The following SPEG variants were observed in gnomAD, a reference collection of about 807,000 sequenced individuals.
SPEG encodes striated muscle enriched protein kinase.
In SPEG, 114 loss-of-function variants were observed where a neutral mutation model predicts 300.4. The observed-to-expected ratio is 0.38, with a 90% CI of 0.33 to 0.44. SPEG has a LOEUF of 0.44. SPEG is among the 20% of genes least tolerant of loss of function. The probability of loss-of-function intolerance (pLI) is 1.00; values close to 1 mark genes in which losing one functional copy is unlikely to be tolerated. For synonymous variants in SPEG, 1,964 were observed against 2,018.9 expected (o/e 0.97, Z 0.73); for missense variants, 4,201 against 4,586.2 (o/e 0.92, Z 2.43).
chr2:219,445,049 C>T lies in SPEG; in HGVS notation c.703C>T (p.Arg235Ter). 6.2e-7 allele frequency: 1 copy of T among 1,607,138 alleles called. No homozygotes were observed. Among genetic ancestry groups the T allele is most frequent in the Non-Finnish European group, 8.5e-7 (1 of 1,176,870 alleles). The change falls in exon 3 of 41, where the codon CGA becomes TGA. Residue 235 changes from arginine (R) to a stop codon, truncating the protein, a stop_gained. Transcript: ENST00000312358. LOFTEE classifies it high-confidence loss of function. The surrounding 1 kb of genome is among the most constrained non-coding windows in gnomAD (Gnocchi z 6.1). ...GGTGGAGCCGCTGGTGCGGGCATCT[C>T]GAGCTAATCTGGTGGGCGCAAGCTG... ...LGVEPLVRASRANLVGASWGS... is the reference protein window; with the variant it reads ...LGVEPLVRAS
At chr2:219,456,368 C>T (rs1398508234) in intron 6 of SPEG, among the ~76,000 whole-genome samples, 1 of 152,246 alleles carries the variant, frequency 6.6e-6, no homozygotes, top group East Asian at 1.9e-4. Flanking sequence ...TGGCCCCCAT[C>T]GTCAGTCCTC....
intron 4 of SPEG, among the ~76,000 whole-genome samples, chr2:219,449,966 C>A (rs1454600820): frequency 1.3e-5 from 2 of 152,180 alleles, no homozygotes. Context: ...TCCTGCACAT[C>A]AACTCGAGGC....
rs1290294237 is a variant in SPEG, at chr2:219,466,068, CAG to C, written c.2882-1105_2882-1104del. On this transcript the variant is annotated intron_variant, in intron 9 of 40. Transcript: ENST00000312358. The stretch of plus-strand genomic sequence containing the variant: ...TTGTCTGTACACAGGCGAGTGAGCT[CAG>C]GGGGCCACCTGTGCTCCCCCCGCTA... 1.9e-6 allele frequency: 3 copies of C among 1,603,926 alleles called. No homozygotes were observed. The Admixed American group carries it at 5.0e-5, about 27-fold the overall frequency.
Position 219,439,594 on chromosome 2 carries a change from G to A in SPEG, c.388+4229G>A, listed in dbSNP as rs1954805280. 6.6e-6 allele frequency among the ~76,000 whole-genome samples: 1 copy of A among 152,064 alleles called. No homozygotes were observed. The highest frequency in any genetic ancestry group is 1.5e-5 in the Non-Finnish European group (1 of 68,022). On this transcript the variant is annotated intron_variant, in intron 1 of 40. Coordinates refer to ENST00000312358, the MANE Select transcript of SPEG (RefSeq NM_005876.5). The surrounding 1 kb of genome is among the most constrained non-coding windows in gnomAD (Gnocchi z 4.5). Reference sequence around the variant, plus strand: ...GTGCAGAAATTGGAAGTCTGGGTTTGGGGGAGTGGCAGGGAGACACAGCTG... The same window carrying A: ...GTGCAGAAATTGGAAGTCTGGGTTTAGGGGAGTGGCAGGGAGACACAGCTG...
chr2:219,461,893 T>A lies in SPEG; in HGVS notation c.2452T>A (p.Ser818Thr). Residue 818 changes from serine to threonine, a missense_variant, in exon 7 of 41, where the codon TCC (serine) becomes ACC (threonine). Around this residue, in one of 4 missense-constraint regions of SPEG, gnomAD observed 1,258 missense variants for 1,293.9 expected, o/e 0.97. Transcript: ENST00000312358. ...CTGTCTCTCTCCAGGTGGGTCTACA[T>A]CCCCTTTCAGCAGCCCCATCACCTC... Reference protein sequence around the residue: ...SLTVRPGGSTSPFSSPITSDE... With the variant: ...SLTVRPGGSTTPFSSPITSDE... 1 of 1,613,702 alleles carries A rather than the reference T, an allele frequency of 6.2e-7. No homozygotes were observed. The highest frequency in any genetic ancestry group is 8.5e-7 in the Non-Finnish European group (1 of 1,179,834).
Position 219,483,212 on chromosome 2 carries a change from G to T in SPEG, c.5749G>T (p.Gly1917Trp). The change falls in exon 30 of 41, where the codon GGG (glycine) becomes TGG (tryptophan). Residue 1917 changes from glycine to tryptophan, a missense_variant. By Grantham distance (184) the Gly-to-Trp change is radical. This residue lies in a region of SPEG where 1,578 missense variants were observed against 1,506.0 expected (regional missense o/e 1.05). Coordinates refer to ENST00000312358, the MANE Select transcript of SPEG (RefSeq NM_005876.5). ...GCCCAGAAGGCCACCCCCCAGTGGG[G>T]GGCTCTCATCCTCCTCGGATTCTGA... ...TMPRRPPPSG[G>W]LSSSSDSEEE... The T allele has an allele frequency of 6.2e-7, 1 of 1,610,064 alleles. No homozygotes were observed. The highest frequency in any genetic ancestry group is 8.5e-7 in the Non-Finnish European group (1 of 1,178,976).
At chr2:219,435,398 G>T (rs772833735) in intron 1 of SPEG, 33 bp downstream of exon 1, 2 of 1,513,682 alleles carry the variant, frequency 1.3e-6, no homozygotes, top group East Asian at 5.1e-5. Context: ...GCCCGGCAGG[G>T]GCGGGGTGCT....
At position 219,485,016 on chromosome 2, in the gene SPEG, C is replaced by A. The variant is rs1042657104; in HGVS notation, c.7553C>A (p.Thr2518Asn). Reference sequence around the variant, plus strand: ...CAGTTGGCCGCCCAGGCCGGCGCCACCACGCCTTCCGCCGAGTCCCTGGGC... The same window carrying A: ...CAGTTGGCCGCCCAGGCCGGCGCCAACACGCCTTCCGCCGAGTCCCTGGGC... ...HNQLAAQAGA[T>N]TPSAESLGSE... is the part of the protein sequence containing the mutation. The change falls in exon 30 of 41, where the codon ACC (threonine) becomes AAC (asparagine). Residue 2518 changes from threonine to asparagine, a missense_variant. By Grantham distance (65) the Thr-to-Asn change is moderately conservative. This residue lies in a region of SPEG where 1,578 missense variants were observed against 1,506.0 expected (regional missense o/e 1.05). Coordinates refer to ENST00000312358, the MANE Select transcript of SPEG (RefSeq NM_005876.5). 18 of 1,531,818 alleles carry A rather than the reference C, an allele frequency of 1.2e-5. No individual in the cohort carries two copies. Among genetic ancestry groups the A allele is most frequent in the African/African-American group, 4.1e-5 (3 of 72,772 alleles). 94.9% of individuals were successfully genotyped at this position (1,531,818 alleles called of 1,614,324 possible).
rs754540251 is a variant in SPEG, at chr2:219,451,115, C to T, written c.2114-21C>T. On this transcript the variant is annotated intron_variant, in intron 4 of 40. Coordinates refer to ENST00000312358, the MANE Select transcript of SPEG (RefSeq NM_005876.5). This position sits in a 1 kb window ranked among gnomAD's most constrained non-coding sequence, Gnocchi z 6.4. ...CTGCAGGGATCATGGCCCCTTACCC[C>T]GTTATTCCTGTGTCCGGCAGAGTCT... The T allele has an allele frequency of 5.7e-5, 91 of 1,597,146 alleles. No homozygotes were observed. Among genetic ancestry groups the T allele is most frequent in the Non-Finnish European group, 7.0e-5 (82 of 1,172,286 alleles).
In SPEG at chr2:219,448,151, C is replaced by G. The variant is rs781358951; in HGVS notation, c.993C>G (p.Thr331=). 1.9e-6 allele frequency: 3 copies of G among 1,609,486 alleles called. No individual in the cohort carries two copies. The South Asian group carries it at 3.3e-5, about 18-fold the overall frequency. The change falls in exon 4 of 41, where the codon ACC becomes ACG. Residue 331 remains threonine (T), a synonymous_variant. Coordinates refer to ENST00000312358, the MANE Select transcript of SPEG (RefSeq NM_005876.5). Reference sequence around the variant, plus strand: ...GACCCCCGGCCCAGCCCGCGGCCACCCCCACGTCGCCCCACCGTCGCACTC... The same window carrying G: ...GACCCCCGGCCCAGCCCGCGGCCACGCCCACGTCGCCCCACCGTCGCACTC... ...PPGPPAQPAA[T]PTSPHRRTQE...
In SPEG at chr2:219,484,772, G is replaced by C; in HGVS notation, c.7309G>C (p.Glu2437Gln). 1 of 1,465,474 alleles carries C rather than the reference G, an allele frequency of 6.8e-7. No individual in the cohort carries two copies. The highest frequency in any genetic ancestry group is 1.4e-5 in the South Asian group (1 of 73,544). The allele number at this position is 1,465,474 out of a possible 1,614,324, so 90.8% of individuals were successfully genotyped here. The change falls in exon 30 of 41, where the codon GAG (glutamate) becomes CAG (glutamine). Residue 2437 changes from glutamate (E) to glutamine (Q), a missense_variant. Glu to Gln is a conservative substitution (Grantham distance 29). Transcript: ENST00000312358. Reference protein sequence around the residue: ...PAWEARGGDGESSEGGSSARG... With the variant: ...PAWEARGGDGQSSEGGSSARG... ...CTGGGAGGCCCGCGGCGGGGACGGAGAGAGCTCGGAGGGCGGGAGCTCGGC... is the reference window on the plus strand; with the variant it reads ...CTGGGAGGCCCGCGGCGGGGACGGACAGAGCTCGGAGGGCGGGAGCTCGGC...
chr2:219,493,044 G>A lies in SPEG; in HGVS notation c.*258G>A. On this transcript the variant is annotated 3_prime_UTR_variant, in exon 41 of 41. Transcript: ENST00000312358. ...GGTGGGAACAGGCAGAGGGACAAGA[G>A]GGGAATGGAGAAGTGGAGAGGAAAA... 1 of 691,472 alleles carries A rather than the reference G, an allele frequency of 1.4e-6. No homozygotes were observed. The highest frequency in any genetic ancestry group is 2.6e-6 in the Non-Finnish European group (1 of 378,158). 42.8% of individuals were successfully genotyped at this position (691,472 alleles called of 1,614,324 possible).
chr2:219,464,786 C>A lies in SPEG; in HGVS notation c.2881+178C>A. 1.7e-6 allele frequency: 1 copy of A among 603,582 alleles called. No individual in the cohort carries two copies. Among genetic ancestry groups the A allele is most frequent in the Non-Finnish European group, 2.9e-6 (1 of 340,830 alleles). 37.4% of individuals were successfully genotyped at this position (603,582 alleles called of 1,614,324 possible). A position where few individuals can be genotyped will look rare whatever the true frequency, so the allele number is the denominator to read the frequency against. On this transcript the variant is annotated intron_variant, in intron 9 of 40. Coordinates refer to ENST00000312358, the MANE Select transcript of SPEG (RefSeq NM_005876.5). The surrounding 1 kb of genome is among the most constrained non-coding windows in gnomAD (Gnocchi z 4.5). ...CCAAAGCCCAGAGACAGGAAGTGAC[C>A]TGCCCAAAGCTGCACAGCACATTGT...
rs749776058 is a variant in SPEG at position 219,492,826 on chromosome 2, T to C, written c.*40T>C. The C allele has an allele frequency of 6.5e-6, 10 of 1,530,318 alleles. No homozygotes were observed. In the Admixed American group the frequency reaches 1.9e-4, roughly 30 times the overall value. 94.8% of individuals were successfully genotyped at this position (1,530,318 alleles called of 1,614,324 possible). On this transcript the variant is annotated 3_prime_UTR_variant, in exon 41 of 41. Transcript: ENST00000312358. Reference sequence around the variant, plus strand: ...GCCAGGCCTCGGGCTTCAACTGGGGTTCCCACCAATGCCACGGGACATTCC... The same window carrying C: ...GCCAGGCCTCGGGCTTCAACTGGGGCTCCCACCAATGCCACGGGACATTCC...
At position 219,492,348 on chromosome 2, in the gene SPEG, C is replaced by A. The variant is rs756305273; in HGVS notation, c.9611+88C>A. On this transcript the variant is annotated intron_variant, in intron 40 of 40. Transcript: ENST00000312358. ...AGATCTCCCAGCTCCTCCCCTGCTC[C>A]TAGGAAGAAGTCTGCTGCTTCTACT... The A allele has an allele frequency of 4.1e-5, 59 of 1,439,490 alleles. No individual in the cohort carries two copies. The Middle Eastern group carries it at 5.5e-4, about 13-fold the overall frequency. The allele number at this position is 1,439,490 out of a possible 1,614,324, so 89.2% of individuals were successfully genotyped here.
Position 219,490,778 on chromosome 2 carries a change from G to T in SPEG, c.9207G>T (p.Leu3069=). 6.2e-7 allele frequency: 1 copy of T among 1,614,140 alleles called. No homozygotes were observed. Among genetic ancestry groups the T allele is most frequent in the Non-Finnish European group, 8.5e-7 (1 of 1,180,034 alleles). Residue 3069 remains leucine, a synonymous_variant, in exon 38 of 41, where the codon CTG becomes CTT. Transcript: ENST00000312358. The part of the protein sequence containing the change: ...EDDVATYMVQ[L]LQGLDYLHGH... ...ACGTGGCCACTTACATGGTGCAGCTGCTACAAGGCCTGGACTACCTCCACG... is the reference window on the plus strand; with the variant it reads ...ACGTGGCCACTTACATGGTGCAGCTTCTACAAGGCCTGGACTACCTCCACG...
At position 219,479,845 on chromosome 2, in the gene SPEG, G is replaced by T. The variant is rs771611757; in HGVS notation, c.5148G>T (p.Leu1716=). Residue 1716 remains leucine (L), a synonymous_variant, in exon 24 of 41, where the codon CTG becomes CTT. Coordinates refer to ENST00000312358, the MANE Select transcript of SPEG (RefSeq NM_005876.5). This position sits in a 1 kb window ranked among gnomAD's most constrained non-coding sequence, Gnocchi z 5.5. ...ACTACCTGCACCAGAGCCACGTGCT[G>T]CACCTCGATGTCAAGGTGAGGTGGG... is the stretch of plus-strand genomic sequence containing the variant. The part of the protein sequence containing the change: ...GIHYLHQSHV[L]HLDVKPENLL... 78 of 1,613,980 alleles carry T rather than the reference G, an allele frequency of 4.8e-5. No homozygotes were observed. In the Middle Eastern group the frequency reaches 4.9e-4, roughly 10 times the overall value.
intron 15 of SPEG, 69 bp from the exon 16 acceptor site, chr2:219,472,821 C>T (rs1487935549): frequency 1.7e-5 from 24 of 1,376,142 alleles, no homozygotes; most frequent in East Asian, 9.4e-5. Context: ...TCCAGGGTCC[C>T]GGGCCAGCTG....
At chr2:219,447,292 G>C (rs1310121901) in intron 3 of SPEG, among the ~76,000 whole-genome samples, 1 of 152,126 alleles carries the variant, frequency 6.6e-6, no homozygotes, top group Admixed American at 6.5e-5. Flanking sequence ...ACAAGTCAAA[G>C]GCCTATCGGG....
Sources: gnomAD v4.1 joint callset for allele counts (sites outside exome capture counted in the v4.1 genomes callset) on GRCh38, gnomAD v4.1.1 for gene constraint, gnomAD v4.1.1 regional missense constraint, Gnocchi (gnomAD v3.1) non-coding constraint, MANE v1.5 for transcripts, NCBI Gene and HGNC (gene_info 2026-07-23, HGNC 2026-07-21) for gene names.